The following IL1RAPL2 variants were observed in gnomAD, a reference collection of about 807,000 sequenced individuals.
IL1RAPL2 encodes X-linked interleukin-1 receptor accessory protein-like 2.
Under a neutral mutation model 44.1 loss-of-function variants are expected in IL1RAPL2, and 3 were observed. That is an observed-to-expected ratio of 0.07 (90% CI 0.03 to 0.18). IL1RAPL2 has a LOEUF of 0.18. Among genes scored for constraint, IL1RAPL2 ranks in the 10% least tolerant of loss-of-function variants. The probability of loss-of-function intolerance (pLI) is 1.00; values close to 1 mark genes in which losing one functional copy is unlikely to be tolerated. For missense variants in IL1RAPL2, 391 were observed against 496.4 expected (o/e 0.79, Z 2.02); for synonymous variants, 181 against 178.8 (o/e 1.01, Z -0.10).
At chrX:105,523,592 T>C (rs759494045) in intron 6 of IL1RAPL2, among the ~76,000 whole-genome samples, 12 of 111,573 alleles carry the variant, frequency 1.1e-4, no homozygotes, top group Non-Finnish European at 2.3e-4. Flanking sequence ...CCATTTGCTA[T>C]TCATACACCA....
rs758739182 is a variant in IL1RAPL2 at position 105,484,366 on chromosome X, A to G, written c.751A>G (p.Ser251Gly). 8.3e-7 allele frequency: 1 copy of G among 1,201,001 alleles called. No homozygotes were observed. The highest frequency in any genetic ancestry group is 1.8e-5 in the South Asian group (1 of 56,675). Residue 251 changes from serine to glycine, a missense_variant, in exon 6 of 11, where the codon AGT (serine) becomes GGT (glycine). Ser to Gly is a moderately conservative substitution (Grantham distance 56). Around this residue, in one of 2 missense-constraint regions of IL1RAPL2, gnomAD observed 159 missense variants for 251.7 expected, o/e 0.63. Transcript: ENST00000372582. ...ATTGTTCCCCATGGAGAATCAGCCA[A>G]GTGTTATAGATGTCCAGCTGGGTAA... ...KPLFPMENQP[S>G]VIDVQLGKPL...
intron 2 of IL1RAPL2, among the ~76,000 whole-genome samples, chrX:104,904,390 G>A (rs1322517484): frequency 9.4e-6 from 1 of 106,177 alleles, no homozygotes; most frequent in Non-Finnish European, 1.9e-5. Flanking sequence ...CCATGCTGGT[G>A]CGCTGCACCC....
At chrX:105,672,992 G>C (rs1451135103) in intron 6 of IL1RAPL2, among the ~76,000 whole-genome samples, 1 of 111,010 alleles carries the variant, frequency 9.0e-6, no homozygotes, top group African/African-American at 3.3e-5. Context: ...CCTAACCACT[G>C]TGTCATCCCT....
intron 2 of IL1RAPL2, among the ~76,000 whole-genome samples, chrX:104,929,663 T>C (rs1924852018): frequency 8.9e-6 from 1 of 112,043 alleles, no homozygotes; most frequent in Non-Finnish European, 1.9e-5. Context: ...AGGGCAGCAA[T>C]TCATTCATCC....
rs939125016 is a variant in IL1RAPL2, at chrX:105,378,438, T to G, written c.698-105875T>G. Among the ~76,000 whole-genome samples, 5 of 111,817 alleles carry G rather than the reference T, an allele frequency of 4.5e-5. 1 individual carries two copies. The highest frequency in any genetic ancestry group is 9.5e-5 in the Admixed American group (1 of 10,525). On this transcript the variant is annotated intron_variant, in intron 5 of 10. Transcript: ENST00000372582. ...AGGTATAGATTAGAATCCAATATTTTGGTGGGTCATAGGCTTGTATGATTC... is the reference window on the plus strand; with the variant it reads ...AGGTATAGATTAGAATCCAATATTTGGGTGGGTCATAGGCTTGTATGATTC...
At chrX:104,949,937 G>A (rs1384683884) in intron 2 of IL1RAPL2, among the ~76,000 whole-genome samples, 9 of 111,067 alleles carry the variant, frequency 8.1e-5, no homozygotes, top group African/African-American at 2.6e-4. Flanking sequence ...TATTAGGTCT[G>A]CTTGGTGCAG....
At position 105,219,362 on chromosome X, in the gene IL1RAPL2, A is replaced by G. The variant is rs1556174132; in HGVS notation, c.357-14456A>G. The G allele has an allele frequency of 3.3e-6, 4 of 1,211,365 alleles. No individual in the cohort carries two copies. The South Asian group carries it at 5.3e-5, about 16-fold the overall frequency. Reference sequence around the variant, plus strand: ...CTGGACCAGGGGTTCGTGGTTCCAGAGAAATAAGATGTGGCTGTTTCGACC... The same window carrying G: ...CTGGACCAGGGGTTCGTGGTTCCAGGGAAATAAGATGTGGCTGTTTCGACC... On this transcript the variant is annotated intron_variant, in intron 3 of 10. Transcript: ENST00000372582.
intron 2 of IL1RAPL2, among the ~76,000 whole-genome samples, chrX:105,176,795 T>C (rs983538299): frequency 5.4e-5 from 6 of 110,393 alleles, no homozygotes; most frequent in African/African-American, 2.0e-4. Context: ...GTTCACCAGG[T>C]GGACTATGTG....
At chrX:105,764,556 C>A (rs2038714131) in intron 10 of IL1RAPL2, among the ~76,000 whole-genome samples, 1 of 111,753 alleles carries the variant, frequency 8.9e-6, no homozygotes, top group Non-Finnish European at 1.9e-5. Context: ...TTTAAAAGTG[C>A]ATTTGAGGCT....
intron 1 of IL1RAPL2, among the ~76,000 whole-genome samples, chrX:104,602,128 G>A (rs182780525): frequency 2.0e-4 from 22 of 111,497 alleles, no homozygotes; most frequent in Admixed American, 1.8e-3. Flanking sequence ...TCCAACTGAG[G>A]TACCCCATTC....
At chrX:105,164,138 A>G (rs1422313158) in intron 2 of IL1RAPL2, among the ~76,000 whole-genome samples, 1 of 110,767 alleles carries the variant, frequency 9.0e-6, no homozygotes, top group Non-Finnish European at 1.9e-5. Context: ...CTTGGAATTC[A>G]CTGATTCTGA....
At chrX:104,580,008 C>T (rs1183140321) in intron 1 of IL1RAPL2, among the ~76,000 whole-genome samples, 1 of 111,572 alleles carries the variant, frequency 9.0e-6, no homozygotes, top group African/African-American at 3.3e-5. Flanking sequence ...TAATTAATTG[C>T]CCAAATTACC....
intron 2 of IL1RAPL2, among the ~76,000 whole-genome samples, chrX:104,971,775 C>T (rs2030242011): frequency 9.0e-6 from 1 of 111,255 alleles, no homozygotes; most frequent in Non-Finnish European, 1.9e-5. Context: ...TGCCCTGATT[C>T]CTGCCAGAGT....
chrX:104,755,381 T>C (rs769716806), intron 2 of IL1RAPL2, among the ~76,000 whole-genome samples: 1 of 109,209 alleles, frequency 9.2e-6, no homozygotes, highest in Non-Finnish European at 1.9e-5. Flanking sequence ...AATGTGAACC[T>C]ATCATAAAAA....
At chrX:104,661,430 G>A (rs1033381441) in intron 2 of IL1RAPL2, among the ~76,000 whole-genome samples, 2 of 111,107 alleles carry the variant, frequency 1.8e-5, no homozygotes, top group Non-Finnish European at 1.9e-5. Flanking sequence ...GTCTCTGTGT[G>A]TTTTTTGTTT....
chrX:105,554,683 CTCT>C (rs2036884467), intron 6 of IL1RAPL2, among the ~76,000 whole-genome samples: 1 of 110,846 alleles, frequency 9.0e-6, no homozygotes, highest in African/African-American at 3.3e-5. Context: ...GTTCATTGTT[CTCT>C]TCTTCTGCCA....
intron 2 of IL1RAPL2, among the ~76,000 whole-genome samples, chrX:105,138,508 A>C (rs2081890243): frequency 9.3e-6 from 1 of 107,874 alleles, no homozygotes; most frequent in Non-Finnish European, 1.9e-5. Flanking sequence ...AAAATGAAAA[A>C]TCACCAAAAA....
intron 3 of IL1RAPL2, among the ~76,000 whole-genome samples, chrX:105,201,657 T>C (rs2033718713): frequency 8.9e-6 from 1 of 111,735 alleles, no homozygotes; most frequent in African/African-American, 3.3e-5. Context: ...AAATGGCTCT[T>C]AGCACCTTCC....
intron 2 of IL1RAPL2, among the ~76,000 whole-genome samples, chrX:104,985,014 T>G (rs2030533663): frequency 8.9e-6 from 1 of 112,262 alleles, no homozygotes; most frequent in South Asian, 3.7e-4. Context: ...AAGATTGGAT[T>G]AAATGACCTT....
Sources: gnomAD v4.1 joint callset for allele counts (sites outside exome capture counted in the v4.1 genomes callset) on GRCh38, gnomAD v4.1.1 for gene constraint, gnomAD v4.1.1 regional missense constraint, MANE v1.5 for transcripts, NCBI Gene and HGNC (gene_info 2026-07-23, HGNC 2026-07-21) for gene names.